Variants in PHC3 observed in about 807,000 individuals in gnomAD.
The protein encoded by PHC3 is polyhomeotic-like protein 3.
In PHC3, 13 loss-of-function variants were observed where a neutral mutation model predicts 107.4. The ratio of observed to expected loss-of-function variants is 0.12; its 90% CI spans 0.08 to 0.19. PHC3 has a LOEUF of 0.19. Ranked by LOEUF, PHC3 falls within the 10% of genes least tolerant of loss-of-function variation. The probability of loss-of-function intolerance (pLI) is 1.00; values close to 1 mark genes in which losing one functional copy is unlikely to be tolerated. For synonymous variants in PHC3, 456 were observed against 427.4 expected, an observed-to-expected ratio of 1.07 and a Z score of -0.83; for missense variants, 992 against 1,210.9, an observed-to-expected ratio of 0.82 and a Z score of 2.68.
intron 12 of PHC3, among the ~76,000 whole-genome samples, chr3:170,103,254 TA>T (rs1007129742): frequency 6.6e-6 from 1 of 151,910 alleles, no homozygotes; most frequent in Non-Finnish European, 1.5e-5. Context: ...TTCATAGCAG[TA>T]AAAAAAATGG....
At chr3:170,163,602 C>T (rs924350731) in intron 4 of PHC3, among the ~76,000 whole-genome samples, 1 of 151,978 alleles carries the variant, frequency 6.6e-6, no homozygotes, top group African/African-American at 2.4e-5. Context: ...GTGGCTCACA[C>T]CTGTAATCCC....
At chr3:170,129,646 C>A in intron 7 of PHC3, 94 bp from the exon 8 acceptor site, 1 of 1,190,334 alleles carries the variant, frequency 8.4e-7, no homozygotes, top group Non-Finnish European at 1.2e-6. Flanking sequence ...ATCAGAAGGT[C>A]ATAATCATCA....
chr3:170,137,568 G>A (rs1487259513), intron 6 of PHC3, among the ~76,000 whole-genome samples: 1 of 152,174 alleles, frequency 6.6e-6, no homozygotes, highest in Non-Finnish European at 1.5e-5. Flanking sequence ...ATATACTGCT[G>A]CTTTATAAAA....
chr3:170,111,396 G>C (rs956987741), intron 11 of PHC3, among the ~76,000 whole-genome samples: 1 of 144,064 alleles, frequency 6.9e-6, no homozygotes, highest in East Asian at 2.0e-4. Context: ...GAAAGAAAGA[G>C]GAAGGAAGGA....
At chr3:170,158,218 GAA>G (rs1198740449) in intron 4 of PHC3, among the ~76,000 whole-genome samples, 1 of 152,008 alleles carries the variant, frequency 6.6e-6, no homozygotes, top group Non-Finnish European at 1.5e-5. Context: ...ATATTAAAAA[GAA>G]AAAAGAGTCT....
intron 11 of PHC3, among the ~76,000 whole-genome samples, chr3:170,109,349 T>C (rs1388027100): frequency 1.3e-5 from 2 of 152,158 alleles, no homozygotes; most frequent in African/African-American, 4.8e-5. Flanking sequence ...GATGGTGCTC[T>C]TTCCCCCATC....
chr3:170,105,559 A>T (rs1716334889), intron 12 of PHC3, among the ~76,000 whole-genome samples: 1 of 152,180 alleles, frequency 6.6e-6, no homozygotes, highest in African/African-American at 2.4e-5. Context: ...GTTTTAGGGT[A>T]TGTGTGATAA....
intron 7 of PHC3, among the ~76,000 whole-genome samples, chr3:170,133,492 C>T (rs1178045584): frequency 6.6e-6 from 1 of 151,950 alleles, no homozygotes; most frequent in African/African-American, 2.4e-5. Context: ...TAACTTCTTA[C>T]CAATAAAAGC....
chr3:170,172,531 C>G, intron 3 of PHC3, 26 bp downstream of exon 3: 1 of 1,599,640 alleles, frequency 6.3e-7, no homozygotes, highest in Non-Finnish European at 8.5e-7. Flanking sequence ...AAACTTTGAT[C>G]TCATAAACTC....
chr3:170,181,515 T>G (rs570177828), intron 1 of PHC3, among the ~76,000 whole-genome samples, 187 bp downstream of exon 1: 1 of 152,270 alleles, frequency 6.6e-6, no homozygotes, highest in African/African-American at 2.4e-5. Flanking sequence ...GGAGGGTAAC[T>G]GGACCCTAGA....
At chr3:170,099,393 TA>T (rs1715102263) in intron 14 of PHC3, among the ~76,000 whole-genome samples, 1 of 152,144 alleles carries the variant, frequency 6.6e-6, no homozygotes. Context: ...AAAAGTGACT[TA>T]GAAAAATTGG....
chr3:170,115,732 C>A (rs1718804616), intron 10 of PHC3, among the ~76,000 whole-genome samples: 1 of 152,092 alleles, frequency 6.6e-6, no homozygotes, highest in Non-Finnish European at 1.5e-5. Flanking sequence ...AGCAAAGCAC[C>A]GTCTCCACCT....
At chr3:170,168,196 G>A (rs1729027542) in intron 4 of PHC3, among the ~76,000 whole-genome samples, 1 of 151,772 alleles carries the variant, frequency 6.6e-6, no homozygotes, top group Non-Finnish European at 1.5e-5. Flanking sequence ...CAAAGGGAAA[G>A]GGAAAGGAAG....
chr3:170,125,520 T>A (rs1721105205), intron 8 of PHC3, among the ~76,000 whole-genome samples: 2 of 152,226 alleles, frequency 1.3e-5, no homozygotes, highest in Admixed American at 1.3e-4. Context: ...TTAATCCTAA[T>A]GCAGTTACAT....
Position 170,102,620 on chromosome 3 carries a change from T to C in PHC3, c.2692A>G (p.Ser898Gly), listed in dbSNP as rs377200828. 8.0e-4 allele frequency: 1,292 copies of C among 1,613,998 alleles called. 22 individuals carry two copies. The South Asian group carries it at 0.013, about 16-fold the overall frequency. ...AGCTCACGTTCTCTTTCCCGCTCGC[T>C]CTGCCTGCGCAGACGAGTTGTCATA... Reference protein sequence around the residue: ...SAMTTRLRRQSERERERELRD... With the variant: ...SAMTTRLRRQGERERERELRD... Residue 898 changes from serine to glycine, a missense_variant, in exon 14 of 15, where the codon AGC becomes GGC. By Grantham distance (56) the Ser-to-Gly change is moderately conservative. Around this residue, in one of 6 missense-constraint regions of PHC3, gnomAD observed 228 missense variants for 288.8 expected, o/e 0.79. Transcript: ENST00000495893.
chr3:170,122,628 C>G lies in PHC3; in HGVS notation c.1905G>C (p.Gly635=). 6.2e-7 allele frequency: 1 copy of G among 1,613,936 alleles called. No individual in the cohort carries two copies. Among genetic ancestry groups the G allele is most frequent in the South Asian group, 1.1e-5 (1 of 91,078 alleles). Residue 635 remains glycine (G), a synonymous_variant, in exon 9 of 15, where the codon GGG becomes GGC. Coordinates refer to ENST00000495893, the MANE Select transcript of PHC3 (RefSeq NM_024947.4). ...PTLSPAAITV[G]RGEDLTSEHP... The stretch of plus-strand genomic sequence containing the variant: ...GTTCAGAAGTCAAATCTTCTCCTCT[C>G]CCCACTGTTATAGCTGCTGGAGACA...
chr3:170,129,902 G>C (rs566686204), intron 7 of PHC3, among the ~76,000 whole-genome samples: 1 of 152,126 alleles, frequency 6.6e-6, no homozygotes, highest in Admixed American at 6.5e-5. Context: ...GTTTCACCAC[G>C]TTGGCCAGGC....
At chr3:170,140,232 C>A (rs1026397259) in intron 6 of PHC3, among the ~76,000 whole-genome samples, 8 of 149,364 alleles carry the variant, frequency 5.4e-5, no homozygotes, top group African/African-American at 2.0e-4. Flanking sequence ...AAAAAAACAG[C>A]CCTTTGGATT....
intron 2 of PHC3, among the ~76,000 whole-genome samples, chr3:170,175,367 T>G (rs1438735379): frequency 6.6e-6 from 1 of 152,114 alleles, no homozygotes; most frequent in Non-Finnish European, 1.5e-5. Context: ...ACATTATCAG[T>G]CAGGCGTGGT....
Sources: allele counts gnomAD v4.1 joint callset (sites outside exome capture counted in the v4.1 genomes callset), GRCh38; gene constraint gnomAD v4.1.1; regional missense constraint gnomAD v4.1.1; transcripts MANE v1.5; gene names NCBI Gene and HGNC (gene_info 2026-07-23, HGNC 2026-07-21).